The following VWC2 variants were observed in gnomAD, a reference collection of about 807,000 sequenced individuals.
VWC2 encodes von Willebrand factor C domain containing 2, also known as brorin.
Under a neutral mutation model 29.8 loss-of-function variants are expected in VWC2, and 14 were observed. The ratio of observed to expected loss-of-function variants is 0.47; its 90% CI spans 0.31 to 0.74. The LOEUF is 0.74. VWC2 is among the 30% of genes least tolerant of loss of function. VWC2 has a pLI of 0.05. For synonymous variants in VWC2, 213 were observed against 199.0 expected (o/e 1.07, Z -0.59); for missense variants, 457 against 459.8 (o/e 0.99, Z 0.05).
At chr7:49,905,632 T>C (rs117061327) in intron 3 of VWC2, among the ~76,000 whole-genome samples, 1,879 of 152,286 alleles carry the variant, frequency 0.012, 19 homozygotes, top group Non-Finnish European at 0.018. Context: ...AAAATTACTG[T>C]CTAATGGAGA....
intron 3 of VWC2, among the ~76,000 whole-genome samples, chr7:49,861,572 C>T (rs909464139): frequency 6.6e-6 from 1 of 152,074 alleles, no homozygotes; most frequent in Non-Finnish European, 1.5e-5. Context: ...CTGCCAAATT[C>T]TGGGTAAGAA....
At chr7:49,813,223 C>T (rs577684332) in intron 3 of VWC2, among the ~76,000 whole-genome samples, 4 of 152,336 alleles carry the variant, frequency 2.6e-5, no homozygotes, top group African/African-American at 9.6e-5. Context: ...CAGTGCCTGC[C>T]TCCTGCTCTC....
intron 3 of VWC2, among the ~76,000 whole-genome samples, chr7:49,847,618 A>G (rs1356965707): frequency 3.9e-5 from 6 of 152,236 alleles, no homozygotes; most frequent in African/African-American, 1.4e-4. Context: ...ATTGAGGAAC[A>G]CACAGGGGCA....
At chr7:49,801,651 C>G (rs371770551) in intron 2 of VWC2, among the ~76,000 whole-genome samples, 1 of 152,214 alleles carries the variant, frequency 6.6e-6, no homozygotes, top group Admixed American at 6.5e-5. Flanking sequence ...AACAGAGCAT[C>G]GTGATGCTGG....
At chr7:49,875,333 G>C (rs1035713154) in intron 3 of VWC2, among the ~76,000 whole-genome samples, 5 of 110,138 alleles carry the variant, frequency 4.5e-5, no homozygotes, top group Non-Finnish European at 8.3e-5. Context: ...TCACACCACT[G>C]CTCTCCAGCC....
At chr7:49,885,801 C>G (rs975486735) in intron 3 of VWC2, among the ~76,000 whole-genome samples, 2 of 152,206 alleles carry the variant, frequency 1.3e-5, no homozygotes, top group African/African-American at 4.8e-5. Flanking sequence ...ACCACTAGCA[C>G]CGGGGACGCA....
At chr7:49,909,034 T>C (rs925057928) in intron 3 of VWC2, among the ~76,000 whole-genome samples, 3 of 152,180 alleles carry the variant, frequency 2.0e-5, no homozygotes, top group African/African-American at 7.2e-5. Flanking sequence ...AACAACAGGA[T>C]AGGTGAAATA....
intron 3 of VWC2, among the ~76,000 whole-genome samples, chr7:49,898,342 T>C (rs1792505158): frequency 6.6e-6 from 1 of 152,076 alleles, no homozygotes; most frequent in Non-Finnish European, 1.5e-5. Flanking sequence ...CCTTCACTTA[T>C]TCTTTCTATG....
At chr7:49,820,173 C>T (rs1028515715) in intron 3 of VWC2, among the ~76,000 whole-genome samples, 1 of 152,058 alleles carries the variant, frequency 6.6e-6, no homozygotes, top group Admixed American at 6.6e-5. Context: ...TAGGTAGGTG[C>T]CATTACTTTT....
At chr7:49,862,786 G>A (rs769210329) in intron 3 of VWC2, among the ~76,000 whole-genome samples, 2 of 150,472 alleles carry the variant, frequency 1.3e-5, no homozygotes, top group Admixed American at 6.6e-5. Context: ...AATTTTTGTA[G>A]GTTGAATCAC....
chr7:49,821,336 A>G (rs1190207444), intron 3 of VWC2, among the ~76,000 whole-genome samples: 1 of 152,244 alleles, frequency 6.6e-6, no homozygotes, highest in East Asian at 1.9e-4. Context: ...GTTAATAGTT[A>G]CAGTAAGAAG....
At chr7:49,897,171 AG>A (rs1322062697) in intron 3 of VWC2, among the ~76,000 whole-genome samples, 3 of 152,184 alleles carry the variant, frequency 2.0e-5, no homozygotes, top group African/African-American at 7.2e-5. Context: ...CTGGGATTAC[AG>A]GCGTGAGCCA....
At chr7:49,818,419 C>T (rs1789196084) in intron 3 of VWC2, among the ~76,000 whole-genome samples, 1 of 151,896 alleles carries the variant, frequency 6.6e-6, no homozygotes, top group South Asian at 2.1e-4. Flanking sequence ...CTTGTTTTTC[C>T]CCATCTTATG....
intron 3 of VWC2, among the ~76,000 whole-genome samples, chr7:49,905,673 A>G (rs997459224): frequency 6.6e-6 from 1 of 152,222 alleles, no homozygotes; most frequent in Non-Finnish European, 1.5e-5. Context: ...GAGCCACTCC[A>G]TCTTGAATAG....
chr7:49,835,611 C>A (rs1013660572), intron 3 of VWC2, among the ~76,000 whole-genome samples: 20 of 151,980 alleles, frequency 1.3e-4, no homozygotes, highest in Non-Finnish European at 2.4e-4. Context: ...AAAGGAAGAA[C>A]AAAAAAGAAA....
intron 3 of VWC2, among the ~76,000 whole-genome samples, chr7:49,897,405 A>G (rs1583781475): frequency 6.6e-6 from 1 of 152,194 alleles, no homozygotes. Flanking sequence ...AATATTGATA[A>G]AAAGAATACA....
intron 3 of VWC2, among the ~76,000 whole-genome samples, chr7:49,823,818 T>G (rs185693972): frequency 6.6e-6 from 1 of 152,348 alleles, no homozygotes; most frequent in East Asian, 1.9e-4. Flanking sequence ...AGAGGTCTAG[T>G]GCACCTTAAT....
chr7:49,896,937 G>C (rs575800063), intron 3 of VWC2, among the ~76,000 whole-genome samples: 37 of 137,628 alleles, frequency 2.7e-4, no homozygotes, highest in Non-Finnish European at 4.8e-4. Flanking sequence ...CGCCCAGGCC[G>C]GACTGCAGAC....
At chr7:49,845,784 C>T (rs1789928003) in intron 3 of VWC2, among the ~76,000 whole-genome samples, 1 of 152,206 alleles carries the variant, frequency 6.6e-6, no homozygotes, top group Non-Finnish European at 1.5e-5. Flanking sequence ...TTTCCCCTGT[C>T]TCTATGGCCA....
Sources: allele counts gnomAD v4.1 joint callset (sites outside exome capture counted in the v4.1 genomes callset), GRCh38; gene constraint gnomAD v4.1.1; transcripts MANE v1.5; gene names NCBI Gene and HGNC (gene_info 2026-07-23, HGNC 2026-07-21).